The following PPP1CB variants were observed in gnomAD, a reference collection of about 807,000 sequenced individuals.
PPP1CB encodes the protein protein phosphatase 1 catalytic subunit beta, also known as serine/threonine-protein phosphatase PP1-beta catalytic subunit.
Under a neutral mutation model 43.7 loss-of-function variants are expected in PPP1CB, and 2 were observed. That is an observed-to-expected ratio of 0.05 (90% CI 0.02 to 0.14). The LOEUF (loss-of-function observed/expected upper bound fraction) is 0.14, where lower values mean the gene tolerates loss of function less well. PPP1CB is among the 10% of genes least tolerant of loss of function. The probability of loss-of-function intolerance (pLI) is 1.00; values close to 1 mark genes in which losing one functional copy is unlikely to be tolerated. For synonymous variants in PPP1CB, 136 were observed against 135.6 expected, an observed-to-expected ratio of 1.00 and a Z score of -0.02; for missense variants, 84 against 398.0, an observed-to-expected ratio of 0.21 and a Z score of 6.71.
At chr2:28,764,662 C>T (rs181258182) in intron 1 of PPP1CB, among the ~76,000 whole-genome samples, 1 of 151,978 alleles carries the variant, frequency 6.6e-6, no homozygotes, top group African/African-American at 2.4e-5. Context: ...TACCAGTGGT[C>T]AGTGAAGATT....
intron 1 of PPP1CB, among the ~76,000 whole-genome samples, chr2:28,772,627 A>G (rs901085342): frequency 1.3e-5 from 2 of 152,238 alleles, no homozygotes; most frequent in Non-Finnish European, 1.5e-5. Flanking sequence ...ATAGAGTAGT[A>G]AAGATATTGT....
At chr2:28,768,251 A>G (rs1235346490) in intron 1 of PPP1CB, among the ~76,000 whole-genome samples, 2 of 152,158 alleles carry the variant, frequency 1.3e-5, no homozygotes, top group Non-Finnish European at 2.9e-5. Flanking sequence ...AGTTTGTGGC[A>G]TAGGGGAAAT....
At chr2:28,757,287 C>T (rs1171089968) in intron 1 of PPP1CB, among the ~76,000 whole-genome samples, 1 of 152,130 alleles carries the variant, frequency 6.6e-6, no homozygotes, top group Non-Finnish European at 1.5e-5. Context: ...AGTTGATGGA[C>T]ATTTTGTTTT....
intron 3 of PPP1CB, among the ~76,000 whole-genome samples, chr2:28,780,512 G>A (rs1667136070): frequency 6.6e-6 from 1 of 152,186 alleles, no homozygotes. Context: ...GTGGGTTGGA[G>A]TACATCAAAC....
intron 1 of PPP1CB, among the ~76,000 whole-genome samples, chr2:28,764,689 G>A (rs1666742652): frequency 6.6e-6 from 1 of 151,844 alleles, no homozygotes; most frequent in South Asian, 2.1e-4. Flanking sequence ...ATTTTATGAG[G>A]CCAAGGCGAG....
chr2:28,793,599 C>T (rs1412212473), intron 6 of PPP1CB, among the ~76,000 whole-genome samples: 1 of 152,146 alleles, frequency 6.6e-6, no homozygotes, highest in Non-Finnish European at 1.5e-5. Flanking sequence ...CATGGGGAGC[C>T]TTGCAAATGG....
intron 4 of PPP1CB, 86 bp downstream of exon 4, chr2:28,781,928 C>A: frequency 1.1e-6 from 1 of 900,744 alleles, no homozygotes; most frequent in Non-Finnish European, 1.8e-6. Context: ...TGTGGGAAAA[C>A]AAAGCAGTGC....
Position 28,785,289 on chromosome 2 carries a change from TG to T in PPP1CB, c.592+1313del, listed in dbSNP as rs1389630152. Reference sequence around the variant, plus strand: ...TGGGGTTTCACCATGTTGGCCAGGATGGTCTCGATCTCTTGATCTTGTGATC... The same window carrying T: ...TGGGGTTTCACCATGTTGGCCAGGATGTCTCGATCTCTTGATCTTGTGATC... On this transcript the variant is annotated intron_variant, in intron 5 of 7. Coordinates refer to ENST00000395366, the MANE Select transcript of PPP1CB (RefSeq NM_002709.3). Among the ~76,000 whole-genome samples, 3 of 151,644 alleles carry T rather than the reference TG, an allele frequency of 2.0e-5. No individual in the cohort carries two copies. In the East Asian group the frequency reaches 5.9e-4, roughly 30 times the overall value.
chr2:28,802,841 T>C lies in PPP1CB; in HGVS notation c.*3538T>C, dbSNP rs1378453519. 1.3e-5 allele frequency: 2 copies of C among 152,204 alleles called. No homozygotes were observed. The highest frequency in any genetic ancestry group is 2.9e-5 in the Non-Finnish European group (2 of 68,040). The allele number at this position is 152,204 out of a possible 1,614,324, so 9.4% of individuals were successfully genotyped here. A position where few individuals can be genotyped will look rare whatever the true frequency, so the allele number is the denominator to read the frequency against. Reference sequence around the variant, plus strand: ...TTTTCTTCAACCACTACCTTCTACATTGGTTGACTTAGACCGTAAGCTTTT... The same window carrying C: ...TTTTCTTCAACCACTACCTTCTACACTGGTTGACTTAGACCGTAAGCTTTT... On this transcript the variant is annotated 3_prime_UTR_variant, in exon 8 of 8. Coordinates refer to ENST00000395366, the MANE Select transcript of PPP1CB (RefSeq NM_002709.3).
In PPP1CB at chr2:28,794,010, CATAAAT is replaced by C. The variant is rs1667443715; in HGVS notation, c.879+17_879+22del. Reference sequence around the variant, plus strand: ...GTGTTCATTTCAGGTATGATGTAAACATAAATATATAAGAACTAGAAATCTAATAAA... The same window carrying C: ...GTGTTCATTTCAGGTATGATGTAAACATATAAGAACTAGAAATCTAATAAA... On this transcript the variant is annotated intron_variant, in intron 7 of 7. Coordinates refer to ENST00000395366, the MANE Select transcript of PPP1CB (RefSeq NM_002709.3). 2 of 1,586,374 alleles carry C rather than the reference CATAAAT, an allele frequency of 1.3e-6. No homozygotes were observed. The highest frequency in any genetic ancestry group is 1.7e-6 in the Non-Finnish European group (2 of 1,160,976).
chr2:28,776,159 A>G (rs1295700948), intron 1 of PPP1CB, among the ~76,000 whole-genome samples: 1 of 151,104 alleles, frequency 6.6e-6, no homozygotes, highest in African/African-American at 2.4e-5. Context: ...GGCTGTTTTG[A>G]CATCCTACTA....
intron 3 of PPP1CB, among the ~76,000 whole-genome samples, chr2:28,780,070 C>CTT (rs2148050761): frequency 1.4e-5 from 2 of 142,400 alleles, no homozygotes; most frequent in African/African-American, 5.3e-5. Context: ...TTTCTTTTTT[C>CTT]TTTTCTTTTC....
chr2:28,788,422 GTGGAAAGGGT>G (rs1667317820), intron 5 of PPP1CB, among the ~76,000 whole-genome samples: 1 of 152,204 alleles, frequency 6.6e-6, no homozygotes, highest in Non-Finnish European at 1.5e-5. Context: ...TTTCCTATAT[GTGGAAAGGGT>G]TGGAAAGTAC....
At chr2:28,786,398 G>A (rs1349495093) in intron 5 of PPP1CB, among the ~76,000 whole-genome samples, 1 of 152,118 alleles carries the variant, frequency 6.6e-6, no homozygotes, top group East Asian at 1.9e-4. Flanking sequence ...ACAGGCGTGA[G>A]CCACCATACC....
chr2:28,796,447 G>GC (rs1667498858), intron 7 of PPP1CB, among the ~76,000 whole-genome samples: 1 of 152,080 alleles, frequency 6.6e-6, no homozygotes. Flanking sequence ...CCATTTGTTT[G>GC]CATCACCTCT....
At chr2:28,762,111 C>A (rs1666670139) in intron 1 of PPP1CB, among the ~76,000 whole-genome samples, 1 of 151,998 alleles carries the variant, frequency 6.6e-6, no homozygotes, top group Non-Finnish European at 1.5e-5. Context: ...ATGGTGAAAC[C>A]CCATCTCCTA....
rs1244515399 is a variant in PPP1CB, at chr2:28,801,329, A to T, written c.*2026A>T. On this transcript the variant is annotated 3_prime_UTR_variant, in exon 8 of 8. Transcript: ENST00000395366. Reference sequence around the variant, plus strand: ...AAGCCTTTGGCAGGGAAAAAGGGCAATGTTGATTAATCTCAGTATTAAACC... The same window carrying T: ...AAGCCTTTGGCAGGGAAAAAGGGCATTGTTGATTAATCTCAGTATTAAACC... The T allele has an allele frequency of 6.6e-6, 1 of 152,154 alleles. No homozygotes were observed. The highest frequency in any genetic ancestry group is 1.5e-5 in the Non-Finnish European group (1 of 67,994). 9.4% of individuals were successfully genotyped at this position (152,154 alleles called of 1,614,324 possible).
rs142878432 is a variant in PPP1CB at position 28,792,079 on chromosome 2, G to T, written c.745-1784G>T. ...AAACTGGCTGGGCACCGTGGCTCAC[G>T]CCTGAAGTCCCAGCATTTTGGGAGG... On this transcript the variant is annotated intron_variant, in intron 6 of 7. Transcript: ENST00000395366. Among the ~76,000 whole-genome samples, 635 of 152,190 alleles carry T rather than the reference G, an allele frequency of 4.2e-3. 6 individuals are homozygous for T. Among genetic ancestry groups the T allele is most frequent in the African/African-American group, 0.014 (601 of 41,532 alleles).
chr2:28,790,955 G>A (rs1031681900), intron 6 of PPP1CB, among the ~76,000 whole-genome samples: 1 of 151,962 alleles, frequency 6.6e-6, no homozygotes, highest in African/African-American at 2.4e-5. Context: ...TTTTATGTCC[G>A]CCACCACTAA....
Sources: allele counts gnomAD v4.1 joint callset (sites outside exome capture counted in the v4.1 genomes callset), GRCh38; gene constraint gnomAD v4.1.1; transcripts MANE v1.5; gene names NCBI Gene and HGNC (gene_info 2026-07-23, HGNC 2026-07-21).